Variants in FBXW11 observed in about 807,000 individuals in gnomAD.
The protein encoded by FBXW11 is F-box and WD repeat domain containing 11, also known as F-box/WD repeat-containing protein 11.
A neutral mutation model predicts 77.6 loss-of-function variants in FBXW11; 19 were observed. The observed-to-expected ratio is 0.24, with a 90% CI of 0.17 to 0.36. The LOEUF is 0.36. Ranked by LOEUF, FBXW11 falls within the 10% of genes least tolerant of loss-of-function variation. The pLI, the probability that FBXW11 is intolerant of heterozygous loss-of-function variation, is 1.00. For synonymous variants in FBXW11, 235 were observed against 249.4 expected (o/e 0.94, Z 0.54); for missense variants, 334 against 704.2 (o/e 0.47, Z 5.95).
intron 9 of FBXW11, among the ~76,000 whole-genome samples, chr5:171,875,556 G>T (rs1218762214): frequency 1.3e-5 from 2 of 152,158 alleles, no homozygotes; most frequent in South Asian, 2.1e-4. Flanking sequence ...TGTACTAAAG[G>T]CCACGGAATT....
At chr5:172,002,862 C>T (rs749032914) in intron 1 of FBXW11, among the ~76,000 whole-genome samples, 7 of 151,568 alleles carry the variant, frequency 4.6e-5, no homozygotes, top group African/African-American at 7.3e-5. Flanking sequence ...CTATGCCTGG[C>T]TAATTTTTTT....
chr5:171,923,476 CATAAAG>C (rs1761709001), intron 2 of FBXW11, among the ~76,000 whole-genome samples: 1 of 152,156 alleles, frequency 6.6e-6, no homozygotes, highest in Non-Finnish European at 1.5e-5. Flanking sequence ...CTTCTAACGT[CATAAAG>C]ATATTCTTCC....
At chr5:171,908,202 A>G (rs1760653643) in intron 4 of FBXW11, among the ~76,000 whole-genome samples, 1 of 152,204 alleles carries the variant, frequency 6.6e-6, no homozygotes, top group South Asian at 2.1e-4. Flanking sequence ...CATCATATGT[A>G]CATGCCTCAT....
chr5:171,880,880 G>A (rs1758455602), intron 7 of FBXW11, among the ~76,000 whole-genome samples: 2 of 152,156 alleles, frequency 1.3e-5, no homozygotes. Context: ...ATTTTTAGTG[G>A]AGACGGAGTT....
chr5:171,883,611 T>C (rs1758673199), intron 7 of FBXW11, among the ~76,000 whole-genome samples: 1 of 152,222 alleles, frequency 6.6e-6, no homozygotes. Context: ...AGTGTAGAAG[T>C]GTTCCCTGTT....
At chr5:171,942,911 G>C (rs1319598981) in intron 2 of FBXW11, among the ~76,000 whole-genome samples, 5 of 152,086 alleles carry the variant, frequency 3.3e-5, no homozygotes, top group African/African-American at 9.7e-5. Flanking sequence ...AACTCTACCA[G>C]ATGCCCTGGG....
intron 2 of FBXW11, among the ~76,000 whole-genome samples, chr5:171,923,762 T>G (rs899085047): frequency 6.6e-6 from 1 of 151,838 alleles, no homozygotes; most frequent in African/African-American, 2.4e-5. Flanking sequence ...GTCTCTGAAA[T>G]AGAGATGTTT....
At position 171,874,255 on chromosome 5, in the gene FBXW11, TACA is replaced by T. The variant is rs147800198; in HGVS notation, c.1222-1268_1222-1266del. Among the ~76,000 whole-genome samples the T allele has an allele frequency of 8.2e-3, 1,244 of 152,292 alleles. 17 individuals are homozygous for T. The highest frequency in any genetic ancestry group is 0.061 in the South Asian group (292 of 4,826). Reference sequence around the variant, plus strand: ...AAGGTACACAAATGGCCAATAAGCATACAACAAGTTGTTTAGCATCATCAGTAA... The same window carrying T: ...AAGGTACACAAATGGCCAATAAGCATACAAGTTGTTTAGCATCATCAGTAA... On this transcript the variant is annotated intron_variant, in intron 9 of 13. Transcript: ENST00000517395.
Position 171,891,461 on chromosome 5 carries a change from A to G in FBXW11, c.852+6T>C, listed in dbSNP as rs1759342405. 3.2e-6 allele frequency: 5 copies of G among 1,577,406 alleles called. No individual in the cohort carries two copies. Among genetic ancestry groups the G allele is most frequent in the Non-Finnish European group, 4.3e-6 (5 of 1,164,006 alleles). ...AAAATAATACATAAAAAATTCAGTC[A>G]TTCACCTTAATAGAATTATCTCGTA... On this transcript the variant is annotated splice_donor_region_variant and intron_variant, in intron 7 of 13. Transcript: ENST00000517395.
At chr5:171,897,118 T>C (rs1759794603) in intron 6 of FBXW11, among the ~76,000 whole-genome samples, 2 of 152,228 alleles carry the variant, frequency 1.3e-5, no homozygotes, top group African/African-American at 4.8e-5. Context: ...TTTAACCTTT[T>C]TAACCTTCTA....
chr5:171,898,587 G>A (rs1452717054), intron 6 of FBXW11, among the ~76,000 whole-genome samples: 3 of 152,134 alleles, frequency 2.0e-5, no homozygotes, highest in African/African-American at 7.2e-5. Flanking sequence ...TCTGAGTCAT[G>A]TTTATGAAAA....
intron 10 of FBXW11, among the ~76,000 whole-genome samples, chr5:171,871,903 T>C (rs1038246431): frequency 2.0e-5 from 3 of 152,222 alleles, no homozygotes; most frequent in African/African-American, 7.2e-5. Flanking sequence ...CACATTACTA[T>C]CTTGTAAAAC....
chr5:171,965,543 A>T (rs1025670737), intron 1 of FBXW11, among the ~76,000 whole-genome samples: 17 of 151,950 alleles, frequency 1.1e-4, no homozygotes, highest in East Asian at 1.9e-4. Context: ...TAAAAAAAAA[A>T]AAAAAAAGAT....
chr5:171,923,640 A>G (rs958067256), intron 2 of FBXW11, among the ~76,000 whole-genome samples: 18 of 152,206 alleles, frequency 1.2e-4, no homozygotes, highest in Non-Finnish European at 2.5e-4. Context: ...AGTTTAAAAT[A>G]TCAATTTAAG....
At position 171,982,484 on chromosome 5, in the gene FBXW11, G is replaced by A. The variant is rs1765203366; in HGVS notation, c.45+23974C>T. Among the ~76,000 whole-genome samples the A allele has an allele frequency of 1.3e-5, 2 of 152,136 alleles. 1 individual carries two copies. The highest frequency in any genetic ancestry group is 4.1e-4 in the South Asian group (2 of 4,830). On this transcript the variant is annotated intron_variant, in intron 1 of 13. Coordinates refer to ENST00000517395, the MANE Select transcript of FBXW11 (RefSeq NM_001378974.1). The stretch of plus-strand genomic sequence containing the variant: ...ATACGGGGTTACATCTTGTTGGTCA[G>A]GCTGGTCTCAAACTCCTGACCTCAG...
At position 171,875,347 on chromosome 5, in the gene FBXW11, G is replaced by A. The variant is rs1211587560; in HGVS notation, c.1221+938C>T. On this transcript the variant is annotated intron_variant, in intron 9 of 13. Transcript: ENST00000517395. Reference sequence around the variant, plus strand: ...AAACATTATGCTAAGTGAAAGCAGCGAGAAATAAAAGGCCACATAAGGTAT... The same window carrying A: ...AAACATTATGCTAAGTGAAAGCAGCAAGAAATAAAAGGCCACATAAGGTAT... Among the ~76,000 whole-genome samples the A allele has an allele frequency of 5.3e-5, 8 of 152,180 alleles. No homozygotes were observed. In the East Asian group the frequency reaches 7.7e-4, roughly 15 times the overall value.
At chr5:171,893,941 T>C (rs888217021) in intron 6 of FBXW11, among the ~76,000 whole-genome samples, 3 of 151,674 alleles carry the variant, frequency 2.0e-5, no homozygotes, top group African/African-American at 7.3e-5. Context: ...TACTACCGCA[T>C]GAGAGTCTGA....
chr5:171,888,962 T>C (rs564134575), intron 7 of FBXW11, among the ~76,000 whole-genome samples: 1 of 151,850 alleles, frequency 6.6e-6, no homozygotes, highest in East Asian at 1.9e-4. Flanking sequence ...GATAGGCCAA[T>C]AGAAATTATC....
At chr5:171,924,209 A>C (rs1405641683) in intron 2 of FBXW11, among the ~76,000 whole-genome samples, 1 of 151,970 alleles carries the variant, frequency 6.6e-6, no homozygotes, top group Non-Finnish European at 1.5e-5. Context: ...GGAATGAGCC[A>C]CTGCACCCAG....
Sources: allele counts gnomAD v4.1 joint callset (sites outside exome capture counted in the v4.1 genomes callset), GRCh38; gene constraint gnomAD v4.1.1; transcripts MANE v1.5; gene names NCBI Gene and HGNC (gene_info 2026-07-23, HGNC 2026-07-21).